TMC8: variants seen among roughly 807,000 people sequenced by gnomAD.
TMC8 encodes the protein transmembrane channel like 8.
TMC8 carries 71 observed loss-of-function variants against 76.0 expected under a neutral mutation model. That is an observed-to-expected ratio of 0.93 (90% CI 0.77 to 1.14). The LOEUF is 1.14. Ranked by LOEUF, TMC8 falls within the 50% of genes most tolerant of loss-of-function variation. The probability of loss-of-function intolerance (pLI) is 0.00; values close to 1 mark genes in which losing one functional copy is unlikely to be tolerated. For synonymous variants in TMC8, 433 were observed against 433.8 expected (o/e 1.00, Z 0.02); for missense variants, 924 against 947.9 (o/e 0.97, Z 0.33).
rs768048698 is a variant in TMC8 at position 78,134,454 on chromosome 17, G to T, written c.877G>T (p.Ala293Ser). Residue 293 changes from alanine to serine, a missense_variant, in exon 8 of 16, where the codon GCC becomes TCC. Ala to Ser is a moderately conservative substitution (Grantham distance 99, BLOSUM62 1). Transcript: ENST00000318430. ...GCAGCAGCAGACCCGGGCCCAGACG[G>T]CCTGCCGCCTGCTCTCCTACCTGCG... ...LMQQQTRAQTACRLLSYLRVN... is the reference protein window; with the variant it reads ...LMQQQTRAQTSCRLLSYLRVN... 1 of 1,613,808 alleles carries T rather than the reference G, an allele frequency of 6.2e-7. No individual in the cohort carries two copies. Among genetic ancestry groups the T allele is most frequent in the Admixed American group, 1.7e-5 (1 of 60,024 alleles).
chr17:78,133,367 G>T (rs945581012), intron 5 of TMC8, 39 bp from the exon 6 acceptor site: 1 of 1,613,292 alleles, frequency 6.2e-7, no homozygotes, highest in African/African-American at 1.3e-5. Context: ...GCAGAGCCTG[G>T]TGCTCACCCG....
chr17:78,131,871 C>T lies in TMC8; in HGVS notation c.150-11C>T, dbSNP rs995531927. On this transcript the variant is annotated splice_polypyrimidine_tract_variant and intron_variant, in intron 2 of 15. Transcript: ENST00000318430. ...TGACTCAGGGGCGCCCCTGTCACCA[C>T]CCCCGTCCAGGCAGCTGCGGGAGCC... is the stretch of plus-strand genomic sequence containing the variant. 1.3e-5 allele frequency: 19 copies of T among 1,458,828 alleles called. No individual in the cohort carries two copies. Among genetic ancestry groups the T allele is most frequent in the Non-Finnish European group, 1.6e-5 (18 of 1,111,472 alleles). 90.4% of individuals were successfully genotyped at this position (1,458,828 alleles called of 1,614,324 possible).
Position 78,133,854 on chromosome 17 carries a change from A to G in TMC8, c.670A>G (p.Met224Val). The G allele has an allele frequency of 6.2e-7, 1 of 1,613,164 alleles. No homozygotes were observed. Among genetic ancestry groups the G allele is most frequent in the Non-Finnish European group, 8.5e-7 (1 of 1,180,016 alleles). The change falls in exon 7 of 16, where the codon ATG (methionine) becomes GTG (valine). Residue 224 changes from methionine to valine, a missense_variant and splice_region_variant. Coordinates refer to ENST00000318430, the MANE Select transcript of TMC8 (RefSeq NM_152468.5). ...LLCFCGTLRR[M>V]VKGLPQKTLL... ...AGCCCCTGGTCTCCTGCCCCGCAGGATGGTGAAGGGGCTGCCGCAGAAGAC... is the reference window on the plus strand; with the variant it reads ...AGCCCCTGGTCTCCTGCCCCGCAGGGTGGTGAAGGGGCTGCCGCAGAAGAC...
At chr17:78,138,805 G>C (rs1288591537) in intron 14 of TMC8, 73 bp downstream of exon 14, 7 of 1,590,426 alleles carry the variant, frequency 4.4e-6, no homozygotes, top group Middle Eastern at 1.7e-4. Flanking sequence ...GGGGTGGTGA[G>C]CCTGTGCACC....
chr17:78,134,182 C>T (rs1033550920), intron 7 of TMC8, among the ~76,000 whole-genome samples, 182 bp downstream of exon 7: 1 of 152,072 alleles, frequency 6.6e-6, no homozygotes, highest in Non-Finnish European at 1.5e-5. Context: ...CATGTGTGGC[C>T]GAGTGTGAGG....
rs1291640284 is a variant in TMC8, at chr17:78,141,048, C to T, written c.2117C>T (p.Pro706Leu). The T allele has an allele frequency of 6.2e-7, 1 of 1,602,114 alleles. No individual in the cohort carries two copies. The highest frequency in any genetic ancestry group is 1.3e-5 in the African/African-American group (1 of 74,648). The change falls in exon 16 of 16, where the codon CCT becomes CTT. Residue 706 changes from proline to leucine, a missense_variant. Coordinates refer to ENST00000318430, the MANE Select transcript of TMC8 (RefSeq NM_152468.5). Reference protein sequence around the residue: ...VDAAGLRSPCPGQHGAPASAR... With the variant: ...VDAAGLRSPCLGQHGAPASAR... Reference sequence around the variant, plus strand: ...GCCGCGGGACTGCGTTCCCCTTGCCCTGGACAGCACGGTGCCCCGGCCTCC... The same window carrying T: ...GCCGCGGGACTGCGTTCCCCTTGCCTTGGACAGCACGGTGCCCCGGCCTCC...
chr17:78,133,766 C>G, intron 6 of TMC8, 87 bp from the exon 7 acceptor site: 2 of 1,592,888 alleles, frequency 1.3e-6, no homozygotes, highest in Admixed American at 1.7e-5. Context: ...GCTGCAGGGG[C>G]CTTCCCAGAC....
chr17:78,132,254 G>A (rs781137960), intron 3 of TMC8, 105 bp from the exon 4 acceptor site: 10 of 1,457,780 alleles, frequency 6.9e-6, no homozygotes, highest in Admixed American at 1.9e-5. Context: ...GCGGGTGGGA[G>A]CCTGGCGGGC....
chr17:78,139,359 G>T, intron 15 of TMC8, 119 bp downstream of exon 15: 1 of 1,124,184 alleles, frequency 8.9e-7, no homozygotes, highest in Non-Finnish European at 1.3e-6. Context: ...ACTGGAGGGC[G>T]TGGCCTCAGG....
intron 9 of TMC8, among the ~76,000 whole-genome samples, chr17:78,135,524 T>G (rs1454062457): frequency 3.9e-5 from 6 of 152,070 alleles, no homozygotes; most frequent in Non-Finnish European, 8.8e-5. Context: ...GCTCAAGCGA[T>G]CCTCCCGCCG....
intron 10 of TMC8, 153 bp downstream of exon 10, chr17:78,137,511 C>A: frequency 1.5e-6 from 2 of 1,353,478 alleles, no homozygotes; most frequent in Non-Finnish European, 2.1e-6. Flanking sequence ...CCAGGGGGCG[C>A]CACTGCTGCC....
rs2075125737 is a variant in TMC8, at chr17:78,133,839, C to G, written c.669-14C>G. 1 of 1,612,782 alleles carries G rather than the reference C, an allele frequency of 6.2e-7. No individual in the cohort carries two copies. The highest frequency in any genetic ancestry group is 1.3e-5 in the African/African-American group (1 of 74,950). Reference sequence around the variant, plus strand: ...TGCCCCTCCTCCAGCAGCCCCTGGTCTCCTGCCCCGCAGGATGGTGAAGGG... The same window carrying G: ...TGCCCCTCCTCCAGCAGCCCCTGGTGTCCTGCCCCGCAGGATGGTGAAGGG... On this transcript the variant is annotated splice_polypyrimidine_tract_variant and intron_variant, in intron 6 of 15. Coordinates refer to ENST00000318430, the MANE Select transcript of TMC8 (RefSeq NM_152468.5).
intron 4 of TMC8, 54 bp from the exon 5 acceptor site, chr17:78,132,734 G>T (rs897565315): frequency 6.3e-7 from 1 of 1,593,970 alleles, no homozygotes; most frequent in Non-Finnish European, 8.6e-7. Context: ...TAGCCGCAGA[G>T]CCTCACCTAT....
intron 11 of TMC8, 42 bp from the exon 12 acceptor site, chr17:78,137,963 C>CT (rs1176975635): frequency 1.2e-6 from 2 of 1,611,772 alleles, no homozygotes; most frequent in Non-Finnish European, 1.7e-6. Context: ...GCCCACGCAT[C>CT]TGTCTGGAGT....
chr17:78,139,250 CT>C lies in TMC8; in HGVS notation c.1902+11del. The C allele has an allele frequency of 2.5e-6, 4 of 1,613,256 alleles. No individual in the cohort carries two copies. Among genetic ancestry groups the C allele is most frequent in the Non-Finnish European group, 3.4e-6 (4 of 1,180,012 alleles). Reference sequence around the variant, plus strand: ...GAAGCAGCTGGTGTGGGTGAGTGTCCTCGGGGCTGGTGAGGGGACAGCAGCT... The same window carrying C: ...GAAGCAGCTGGTGTGGGTGAGTGTCCCGGGGCTGGTGAGGGGACAGCAGCT... On this transcript the variant is annotated intron_variant, in intron 15 of 15. Transcript: ENST00000318430.
At position 78,141,143 on chromosome 17, in the gene TMC8, G is replaced by T; in HGVS notation, c.*31G>T. 1 of 1,521,962 alleles carries T rather than the reference G, an allele frequency of 6.6e-7. No homozygotes were observed. The highest frequency in any genetic ancestry group is 1.3e-5 in the South Asian group (1 of 78,652). 94.3% of individuals were successfully genotyped at this position (1,521,962 alleles called of 1,614,324 possible). A position where few individuals can be genotyped will look rare whatever the true frequency, so the allele number is the denominator to read the frequency against. The stretch of plus-strand genomic sequence containing the variant: ...ACCCCTGCCTCCCCGAAGCCTCCCT[G>T]GGGCCCCTTCAGGCCTCCTTACTCC... On this transcript the variant is annotated 3_prime_UTR_variant, in exon 16 of 16. Transcript: ENST00000318430.
rs1296847107 is a variant in TMC8, at chr17:78,134,447, C to T, written c.870C>T (p.Ala290=). The stretch of plus-strand genomic sequence containing the variant: ...AGCTGATGCAGCAGCAGACCCGGGC[C>T]CAGACGGCCTGCCGCCTGCTCTCCT... The part of the protein sequence containing the change: ...RFQLMQQQTR[A]QTACRLLSYL... The change falls in exon 8 of 16, where the codon GCC becomes GCT. Residue 290 remains alanine, a synonymous_variant. Coordinates refer to ENST00000318430, the MANE Select transcript of TMC8 (RefSeq NM_152468.5). The T allele has an allele frequency of 1.9e-6, 3 of 1,613,598 alleles. No individual in the cohort carries two copies. In the African/African-American group the frequency reaches 4.0e-5, roughly 22 times the overall value.
In TMC8 at chr17:78,140,462, C is replaced by T. The variant is rs2075344876; in HGVS notation, c.1903-372C>T. Among the ~76,000 whole-genome samples, 3 of 150,638 alleles carry T rather than the reference C, an allele frequency of 2.0e-5. No individual in the cohort carries two copies. The South Asian group carries it at 6.3e-4, about 32-fold the overall frequency. ...GGCGTGGCCTTGGGCTGCTTGGGGA[C>T]GGACTCTTAGCGGGCGTGGTCTAGA... On this transcript the variant is annotated intron_variant, in intron 15 of 15. Transcript: ENST00000318430.
intron 14 of TMC8, 94 bp from the exon 15 acceptor site, chr17:78,139,068 C>A (rs377082151): frequency 1.9e-5 from 30 of 1,583,568 alleles, no homozygotes; most frequent in East Asian, 6.7e-5. Flanking sequence ...CCCAGTACCG[C>A]GTATTGTAGA....
Sources: allele counts gnomAD v4.1 joint callset (sites outside exome capture counted in the v4.1 genomes callset), GRCh38; gene constraint gnomAD v4.1.1; transcripts MANE v1.5; gene names NCBI Gene and HGNC (gene_info 2026-07-23, HGNC 2026-07-21).